Variants in ANXA7 observed in about 807,000 individuals in gnomAD.
ANXA7 encodes annexin VII.
In ANXA7, 55 loss-of-function variants were observed where a neutral mutation model predicts 64.9. That is an observed-to-expected ratio of 0.85 (90% confidence interval 0.68 to 1.06). The LOEUF is 1.06. ANXA7 is among the 50% of genes least tolerant of loss of function. The probability of loss-of-function intolerance (pLI) is 0.00; values close to 1 mark genes in which losing one functional copy is unlikely to be tolerated. For synonymous variants in ANXA7, 200 were observed against 192.4 expected (o/e 1.04, Z -0.33); for missense variants, 548 against 582.1 (o/e 0.94, Z 0.60).
In ANXA7 at chr10:73,383,170, C is replaced by T; in HGVS notation, c.918+5G>A. The T allele has an allele frequency of 1.2e-6, 2 of 1,609,846 alleles. No homozygotes were observed. The highest frequency in any genetic ancestry group is 2.2e-5 in the East Asian group (1 of 44,782). On this transcript the variant is annotated splice_donor_5th_base_variant and intron_variant, in intron 9 of 12. Transcript: ENST00000372921. ...TCAACGCACAAGCATTCATACTATACTCACCTGGCACATGGACACAAGTAA... is the reference window on the plus strand; with the variant it reads ...TCAACGCACAAGCATTCATACTATATTCACCTGGCACATGGACACAAGTAA...
At position 73,381,174 on chromosome 10, in the gene ANXA7, G is replaced by T. The variant is rs190036598; in HGVS notation, c.919-973C>A. 2.9e-3 allele frequency among the ~76,000 whole-genome samples: 443 copies of T among 152,154 alleles called. 1 individual carries two copies. The highest frequency in any genetic ancestry group is 9.5e-3 in the African/African-American group (395 of 41,510). ...CTACCTCAGCCTCCAGAGTAGCTGGGACTATAAGCTCACACCACCACACTC... is the reference window on the plus strand; with the variant it reads ...CTACCTCAGCCTCCAGAGTAGCTGGTACTATAAGCTCACACCACCACACTC... On this transcript the variant is annotated intron_variant, in intron 9 of 12. Coordinates refer to ENST00000372921, the MANE Select transcript of ANXA7 (RefSeq NM_001156.5).
intron 8 of ANXA7, 71 bp downstream of exon 8, chr10:73,383,506 C>T: frequency 7.5e-7 from 1 of 1,337,980 alleles, no homozygotes; most frequent in Non-Finnish European, 1.0e-6. Flanking sequence ...AAATTCAGAA[C>T]TGTCATAATT....
At chr10:73,405,869 C>T (rs528879877) in intron 1 of ANXA7, among the ~76,000 whole-genome samples, 1 of 152,328 alleles carries the variant, frequency 6.6e-6, no homozygotes, top group South Asian at 2.1e-4. Flanking sequence ...TTCTCCACCA[C>T]ACCACTCTTA....
intron 5 of ANXA7, among the ~76,000 whole-genome samples, chr10:73,389,178 A>G (rs1009023574): frequency 1.3e-5 from 2 of 152,238 alleles, no homozygotes; most frequent in African/African-American, 4.8e-5. Flanking sequence ...TCTTGCCAAA[A>G]AGGCATGACC....
At chr10:73,404,723 T>C (rs7098382) in intron 1 of ANXA7, among the ~76,000 whole-genome samples, 6,774 of 151,796 alleles carry the variant, frequency 0.045, 462 homozygotes, top group African/African-American at 0.15. Context: ...TATATATATA[T>C]ATATATCTTT....
chr10:73,379,613 C>A (rs1194356422), intron 11 of ANXA7, among the ~76,000 whole-genome samples: 1 of 152,160 alleles, frequency 6.6e-6, no homozygotes, highest in Non-Finnish European at 1.5e-5. Flanking sequence ...GACAGGCCTA[C>A]AGATGAAGGC....
intron 2 of ANXA7, among the ~76,000 whole-genome samples, chr10:73,399,156 G>A (rs912961978): frequency 2.6e-5 from 4 of 152,184 alleles, no homozygotes; most frequent in Non-Finnish European, 4.4e-5. Flanking sequence ...AGGATGGTAG[G>A]ATCAGAATAA....
intron 12 of ANXA7, 88 bp downstream of exon 12, chr10:73,378,823 G>T: frequency 1.1e-6 from 1 of 919,440 alleles, no homozygotes; most frequent in South Asian, 1.4e-5. Flanking sequence ...TATCATTTTT[G>T]AGGGACTGAC....
intron 7 of ANXA7, among the ~76,000 whole-genome samples, chr10:73,385,488 A>C (rs2055352815): frequency 6.6e-6 from 1 of 152,192 alleles, no homozygotes; most frequent in Non-Finnish European, 1.5e-5. Context: ...CTAGTAAATA[A>C]CCAACTGCTA....
At chr10:73,381,114 T>A (rs2055268092) in intron 9 of ANXA7, among the ~76,000 whole-genome samples, 1 of 152,084 alleles carries the variant, frequency 6.6e-6, no homozygotes, top group Non-Finnish European at 1.5e-5. Flanking sequence ...GCAGACATGA[T>A]CATAGCCTCA....
chr10:73,394,745 G>A (rs2055542778), intron 5 of ANXA7, among the ~76,000 whole-genome samples: 4 of 152,120 alleles, frequency 2.6e-5, no homozygotes, highest in Admixed American at 1.3e-4. Flanking sequence ...AGCATTAGGA[G>A]ATACACCTAA....
At chr10:73,397,391 GT>G in intron 3 of ANXA7, 117 bp from the exon 4 acceptor site, 1 of 460,164 alleles carries the variant, frequency 2.2e-6, no homozygotes, top group Non-Finnish European at 3.8e-6. Flanking sequence ...TATAATAGCA[GT>G]CCCTGTTTAT....
At chr10:73,387,906 C>T in intron 6 of ANXA7, 123 bp from the exon 7 acceptor site, 1 of 753,120 alleles carries the variant, frequency 1.3e-6, no homozygotes, top group South Asian at 1.7e-5. Flanking sequence ...GGTGCAAGTG[C>T]AATGGTGTGA....
At chr10:73,403,480 C>T (rs552219572) in intron 1 of ANXA7, among the ~76,000 whole-genome samples, 3 of 152,056 alleles carry the variant, frequency 2.0e-5, no homozygotes, top group South Asian at 2.1e-4. Context: ...AGAGTGAGAC[C>T]GTGTCTCTTA....
chr10:73,377,851 G>GTGTA (rs1316688033), intron 12 of ANXA7, among the ~76,000 whole-genome samples: 2 of 147,246 alleles, frequency 1.4e-5, no homozygotes, highest in Admixed American at 1.3e-4. Context: ...GTGTGTGTGT[G>GTGTA]TATTTTTTGT....
At position 73,398,192 on chromosome 10, in the gene ANXA7, G is replaced by T. The variant is rs2055606238; in HGVS notation, c.248C>A (p.Ser83Tyr). The change falls in exon 3 of 13, where the codon TCC (serine) becomes TAC (tyrosine). Residue 83 changes from serine to tyrosine, a missense_variant. Coordinates refer to ENST00000372921, the MANE Select transcript of ANXA7 (RefSeq NM_001156.5). Reference sequence around the variant, plus strand: ...AACCCGTAACTCACCTCCGGGATAGGATGGAGCTCCCCCTGGCTGTGGGGC... The same window carrying T: ...AACCCGTAACTCACCTCCGGGATAGTATGGAGCTCCCCCTGGCTGTGGGGC... ...PGAPQPGGAP[S>Y]YPGVPPGQGF... 1 of 1,611,822 alleles carries T rather than the reference G, an allele frequency of 6.2e-7. No homozygotes were observed. Among genetic ancestry groups the T allele is most frequent in the Non-Finnish European group, 8.5e-7 (1 of 1,178,536 alleles).
At position 73,387,713 on chromosome 10, in the gene ANXA7, T is replaced by C. The variant is rs1401859169; in HGVS notation, c.609A>G (p.Ala203=). ...CCTTGCCATAGGAGGTCTTAAATGC[T>C]GCTTTAATTTTTTGCCTCTGATCAT... is the stretch of plus-strand genomic sequence containing the variant. ...RSNDQRQKIK[A]AFKTSYGKDL... The change falls in exon 7 of 13, where the codon GCA becomes GCG. Residue 203 remains alanine, a synonymous_variant. Transcript: ENST00000372921. The C allele has an allele frequency of 1.9e-6, 3 of 1,614,138 alleles. No homozygotes were observed. The highest frequency in any genetic ancestry group is 1.7e-5 in the Admixed American group (1 of 60,012).
At position 73,383,314 on chromosome 10, in the gene ANXA7, T is replaced by C. The variant is rs771201959; in HGVS notation, c.779A>G (p.Glu260Gly). 6.2e-7 allele frequency: 1 copy of C among 1,613,998 alleles called. No individual in the cohort carries two copies. The highest frequency in any genetic ancestry group is 1.1e-5 in the South Asian group (1 of 91,062). Residue 260 changes from glutamate to glycine, a missense_variant, in exon 9 of 13, where the codon GAG becomes GGG. Physicochemically the swap from Glu to Gly is moderately conservative, Grantham distance 98. Transcript: ENST00000372921. The stretch of plus-strand genomic sequence containing the variant: ...CTGATTTGTTCTTGTGCACAAAATC[T>C]CAATCAATACACGTTCCTGAGTTCC... Reference protein sequence around the residue: ...GAGTQERVLIEILCTRTNQEI... With the variant: ...GAGTQERVLIGILCTRTNQEI...
At chr10:73,386,333 A>G (rs1178021447) in intron 7 of ANXA7, among the ~76,000 whole-genome samples, 3 of 152,188 alleles carry the variant, frequency 2.0e-5, no homozygotes, top group African/African-American at 7.2e-5. Flanking sequence ...CATCCATTCA[A>G]CAAGTACTAA....
Sources: allele counts gnomAD v4.1 joint callset (sites outside exome capture counted in the v4.1 genomes callset), GRCh38; gene constraint gnomAD v4.1.1; transcripts MANE v1.5; gene names NCBI Gene and HGNC (gene_info 2026-07-23, HGNC 2026-07-21).